The following HMCN1 variants were observed in gnomAD, a reference collection of about 807,000 sequenced individuals.
HMCN1 encodes the protein hemicentin 1.
A neutral mutation model predicts 625.9 loss-of-function variants in HMCN1; 321 were observed. That is an observed-to-expected ratio of 0.51 (90% CI 0.47 to 0.56). HMCN1 has a LOEUF of 0.56. Ranked by LOEUF, HMCN1 falls within the 20% of genes least tolerant of loss-of-function variation. The probability of loss-of-function intolerance (pLI) is 0.00; values close to 1 mark genes in which losing one functional copy is unlikely to be tolerated. For synonymous variants in HMCN1, 2,425 were observed against 2,417.6 expected, an observed-to-expected ratio of 1.00 and a Z score of -0.09; for missense variants, 6,588 against 6,887.3, an observed-to-expected ratio of 0.96 and a Z score of 1.54.
chr1:186,089,431 A>C (rs906623157), intron 63 of HMCN1, among the ~76,000 whole-genome samples: 1 of 151,974 alleles, frequency 6.6e-6, no homozygotes, highest in Non-Finnish European at 1.5e-5. Flanking sequence ...TTCTACTATG[A>C]ATATTACGTA....
intron 4 of HMCN1, among the ~76,000 whole-genome samples, chr1:185,879,052 C>T (rs1265803510): frequency 1.3e-5 from 2 of 152,216 alleles, no homozygotes; most frequent in Non-Finnish European, 2.9e-5. Flanking sequence ...GTCATCCTCT[C>T]TTTGTTTGCT....
intron 68 of HMCN1, among the ~76,000 whole-genome samples, chr1:186,098,255 G>A (rs1558221886): frequency 6.6e-6 from 1 of 152,092 alleles, no homozygotes; most frequent in Non-Finnish European, 1.5e-5. Context: ...ATTCAACAAA[G>A]TGAAGAGACA....
intron 86 of HMCN1, among the ~76,000 whole-genome samples, chr1:186,134,939 A>G (rs1416177034): frequency 6.6e-6 from 1 of 152,186 alleles, no homozygotes; most frequent in African/African-American, 2.4e-5. Context: ...ACAACCCTGT[A>G]TGCTGTTACT....
intron 1 of HMCN1, among the ~76,000 whole-genome samples, chr1:185,750,953 T>A (rs1189005273): frequency 1.3e-5 from 2 of 152,128 alleles, no homozygotes; most frequent in Non-Finnish European, 2.9e-5. Context: ...TACTTCTGTG[T>A]AATATAAGGA....
At position 186,103,550 on chromosome 1, in the gene HMCN1, T is replaced by C; in HGVS notation, c.10652T>C (p.Ile3551Thr). 6.2e-7 allele frequency: 1 copy of C among 1,613,896 alleles called. No individual in the cohort carries two copies. Among genetic ancestry groups the C allele is most frequent in the South Asian group, 1.1e-5 (1 of 91,074 alleles). Residue 3551 changes from isoleucine (I) to threonine (T), a missense_variant, in exon 69 of 107, where the codon ATT becomes ACT. By Grantham distance (89) the Ile-to-Thr change is moderately conservative. This residue lies in a region of HMCN1 where 4,628 missense variants were observed against 4,853.1 expected (regional missense o/e 0.95). Transcript: ENST00000271588. ...AATAACCCACTTGAACTTACCTGCATTGCTTCTGGAATCCCAGCCCCTAAA... is the reference window on the plus strand; with the variant it reads ...AATAACCCACTTGAACTTACCTGCACTGCTTCTGGAATCCCAGCCCCTAAA... ...IVNNPLELTC[I>T]ASGIPAPKMT... is the part of the protein sequence containing the mutation.
chr1:185,842,384 A>G (rs1277243248), intron 1 of HMCN1, among the ~76,000 whole-genome samples: 1 of 152,134 alleles, frequency 6.6e-6, no homozygotes, highest in Non-Finnish European at 1.5e-5. Context: ...CAACATAGTG[A>G]GACCCTGTCT....
intron 11 of HMCN1, among the ~76,000 whole-genome samples, chr1:185,943,432 G>A (rs1232746763): frequency 6.6e-6 from 1 of 152,188 alleles, no homozygotes; most frequent in African/African-American, 2.4e-5. Context: ...ATTGCTTGGT[G>A]TGTAAGGAAA....
intron 1 of HMCN1, among the ~76,000 whole-genome samples, chr1:185,756,703 C>T (rs768762591): frequency 2.0e-5 from 3 of 152,082 alleles, no homozygotes; most frequent in Non-Finnish European, 2.9e-5. Flanking sequence ...TCTTTCCTTG[C>T]CAATCTTCTA....
At chr1:186,098,709 G>T (rs1415672586) in intron 68 of HMCN1, among the ~76,000 whole-genome samples, 2 of 152,038 alleles carry the variant, frequency 1.3e-5, no homozygotes, top group African/African-American at 4.8e-5. Flanking sequence ...AATGAAATCA[G>T]TATGTCAAAT....
At chr1:186,189,433 C>A in intron 106 of HMCN1, 79 bp from the exon 107 acceptor site, 1 of 1,542,426 alleles carries the variant, frequency 6.5e-7, no homozygotes, top group South Asian at 1.1e-5. Context: ...TAAAAGTTGT[C>A]ATGGATCATG....
intron 28 of HMCN1, among the ~76,000 whole-genome samples, chr1:186,002,386 C>T (rs563088110): frequency 6.6e-5 from 10 of 152,134 alleles, no homozygotes; most frequent in Admixed American, 1.3e-4. Context: ...ACAATGGGCA[C>T]ATAATTTGTA....
At chr1:185,765,964 T>A (rs1655844211) in intron 1 of HMCN1, among the ~76,000 whole-genome samples, 1 of 152,182 alleles carries the variant, frequency 6.6e-6, no homozygotes, top group African/African-American at 2.4e-5. Flanking sequence ...TCCTGTGGTC[T>A]GGATTGTTCA....
At position 185,942,587 on chromosome 1, in the gene HMCN1, C is replaced by T. The variant is rs574912272; in HGVS notation, c.1828+8763C>T. Among the ~76,000 whole-genome samples the T allele has an allele frequency of 1.6e-3, 247 of 152,300 alleles. 1 individual carries two copies. The highest frequency in any genetic ancestry group is 2.4e-3 in the Non-Finnish European group (164 of 68,022). On this transcript the variant is annotated intron_variant, in intron 11 of 106. Coordinates refer to ENST00000271588, the MANE Select transcript of HMCN1 (RefSeq NM_031935.3). ...CTTAACTTCATCTAATTCTCACAGACGGCTGTTATTTACTATGGTCAATTT... is the reference window on the plus strand; with the variant it reads ...CTTAACTTCATCTAATTCTCACAGATGGCTGTTATTTACTATGGTCAATTT...
intron 48 of HMCN1, among the ~76,000 whole-genome samples, chr1:186,064,414 A>G (rs1437003279): frequency 1.3e-5 from 2 of 152,160 alleles, no homozygotes; most frequent in Admixed American, 6.6e-5. Context: ...CCATCTATCT[A>G]TGATAGAATC....
At position 186,132,374 on chromosome 1, in the gene HMCN1, G is replaced by T. The variant is rs763998103; in HGVS notation, c.13277G>T (p.Gly4426Val). 1.1e-5 allele frequency: 18 copies of T among 1,612,646 alleles called. No individual in the cohort carries two copies. The highest frequency in any genetic ancestry group is 1.5e-5 in the Non-Finnish European group (18 of 1,179,382). The part of the protein sequence containing the change: ...DYTCVATNEA[G>V]VVERSMSLTL... ...ACATGTGTAGCTACCAATGAAGCTG[G>T]GGTGGTGGAGCGCAGCATGAGTCTG... Residue 4426 changes from glycine to valine, a missense_variant, in exon 86 of 107, where the codon GGG becomes GTG. Gly to Val is a moderately radical substitution (Grantham distance 109). Around this residue, in one of 3 missense-constraint regions of HMCN1, gnomAD observed 1,954 missense variants for 2,013.1 expected, o/e 0.97. Coordinates refer to ENST00000271588, the MANE Select transcript of HMCN1 (RefSeq NM_031935.3).
chr1:185,856,374 C>A (rs766292783), intron 2 of HMCN1, among the ~76,000 whole-genome samples: 1 of 151,740 alleles, frequency 6.6e-6, no homozygotes, highest in Admixed American at 6.6e-5. Flanking sequence ...CCTGTAATCC[C>A]AGCTACTCGG....
chr1:185,981,653 C>T (rs1651646048), intron 17 of HMCN1, among the ~76,000 whole-genome samples: 1 of 151,956 alleles, frequency 6.6e-6, no homozygotes. Flanking sequence ...TCATTAATAC[C>T]CTTTTACACA....
intron 49 of HMCN1, among the ~76,000 whole-genome samples, chr1:186,065,845 A>T (rs1433452333): frequency 6.6e-6 from 1 of 152,112 alleles, no homozygotes; most frequent in East Asian, 1.9e-4. Context: ...GTCTGTTGGT[A>T]TGTTCAGTTC....
chr1:186,136,152 G>A (rs1649591085), intron 86 of HMCN1, among the ~76,000 whole-genome samples: 3 of 147,780 alleles, frequency 2.0e-5, no homozygotes, highest in African/African-American at 7.7e-5. Context: ...CTCCAGCCTG[G>A]GTGACAAAGG....
Sources: allele counts gnomAD v4.1 joint callset (sites outside exome capture counted in the v4.1 genomes callset), GRCh38; gene constraint gnomAD v4.1.1; regional missense constraint gnomAD v4.1.1; transcripts MANE v1.5; gene names NCBI Gene and HGNC (gene_info 2026-07-23, HGNC 2026-07-21).